TSKS: variants seen among roughly 807,000 people sequenced by gnomAD.
The protein encoded by TSKS is testis specific serine kinase substrate.
Under a neutral mutation model 68.0 loss-of-function variants are expected in TSKS, and 27 were observed. The observed-to-expected ratio is 0.40, with a 90% CI of 0.29 to 0.55. The LOEUF is 0.55. Among genes scored for constraint, TSKS ranks in the 20% least tolerant of loss-of-function variants. The pLI, the probability that TSKS is intolerant of heterozygous loss-of-function variation, is 0.53. For synonymous variants in TSKS, 331 were observed against 340.4 expected, an observed-to-expected ratio of 0.97 and a Z score of 0.30; for missense variants, 806 against 776.0, an observed-to-expected ratio of 1.04 and a Z score of -0.46.
In TSKS at chr19:49,746,653, C is replaced by A. The variant is rs1319903872; in HGVS notation, c.809G>T (p.Trp270Leu). The change falls in exon 6 of 11, where the codon TGG becomes TTG. Residue 270 changes from tryptophan to leucine, a missense_variant. Transcript: ENST00000246801. ...CGTGGCGGCGGGGCCCAGGCTGTTC[C>A]AGGAGAGGCCAGCCTCCGGCTTCTG... ...EKQKPEAGLS[W>L]NSLGPAATSQ... The A allele has an allele frequency of 6.2e-7, 1 of 1,607,066 alleles. No homozygotes were observed. Among genetic ancestry groups the A allele is most frequent in the Non-Finnish European group, 8.5e-7 (1 of 1,179,442 alleles).
At chr19:49,748,544 C>T in intron 2 of TSKS, 75 bp from the exon 3 acceptor site, 2 of 1,419,182 alleles carry the variant, frequency 1.4e-6, no homozygotes, top group Non-Finnish European at 2.0e-6. Flanking sequence ...AATTCCAGAA[C>T]TGGGAGGCTG....
chr19:49,746,073 T>C lies in TSKS; in HGVS notation c.992+397A>G, dbSNP rs534645907. ...TGGCGGGCGCCTGTAGTCCCAGCTA[T>C]TGGGGAGGCTGAAGCAGGAGAATGG... On this transcript the variant is annotated intron_variant, in intron 6 of 10. Coordinates refer to ENST00000246801, the MANE Select transcript of TSKS (RefSeq NM_021733.2). Among the ~76,000 whole-genome samples the C allele has an allele frequency of 2.7e-4, 41 of 152,120 alleles. No homozygotes were observed. The East Asian group carries it at 7.2e-3, about 27-fold the overall frequency.
chr19:49,742,020 G>A lies in TSKS; in HGVS notation c.1362C>T (p.Ser454=), dbSNP rs1568559867. Residue 454 remains serine, a splice_region_variant and synonymous_variant, in exon 9 of 11, where the codon AGC becomes AGT. Coordinates refer to ENST00000246801, the MANE Select transcript of TSKS (RefSeq NM_021733.2). ...SHQGNCARCA[S]QGSQLSTESL... ...ACTCCGTAGACAACTGCGACCCCTG[G>A]CTGGGGGAGGGGCGGTCACCAGATA... 3 of 1,613,812 alleles carry A rather than the reference G, an allele frequency of 1.9e-6. No individual in the cohort carries two copies. The highest frequency in any genetic ancestry group is 2.5e-6 in the Non-Finnish European group (3 of 1,179,992).
intron 1 of TSKS, among the ~76,000 whole-genome samples, chr19:49,762,488 A>T (rs1248554967): frequency 1.4e-5 from 2 of 141,914 alleles, no homozygotes; most frequent in Non-Finnish European, 3.0e-5. Flanking sequence ...CAGTGGCGCG[A>T]TCTCAGCTCA....
chr19:49,752,810 G>T (rs1332768893), intron 2 of TSKS, among the ~76,000 whole-genome samples: 1 of 152,150 alleles, frequency 6.6e-6, no homozygotes, highest in Non-Finnish European at 1.5e-5. Flanking sequence ...GCCTGTGTAG[G>T]GTTGTGTACA....
chr19:49,756,117 T>C (rs909770348), intron 2 of TSKS, among the ~76,000 whole-genome samples: 2 of 152,158 alleles, frequency 1.3e-5, no homozygotes, highest in Non-Finnish European at 2.9e-5. Flanking sequence ...AAAAGGATTA[T>C]ACATGGTGAC....
intron 5 of TSKS, chr19:49,747,146 C>T (rs1287361207): frequency 6.5e-7 from 1 of 1,535,636 alleles, no homozygotes; most frequent in Non-Finnish European, 8.7e-7. Flanking sequence ...GGCCTTCTCA[C>T]CTGAAGTCCA....
chr19:49,748,420 A>C lies in TSKS; in HGVS notation c.449T>G (p.Leu150Trp). 2 of 1,614,174 alleles carry C rather than the reference A, an allele frequency of 1.2e-6. No individual in the cohort carries two copies. The highest frequency in any genetic ancestry group is 1.7e-6 in the Non-Finnish European group (2 of 1,180,020). Residue 150 changes from leucine (L) to tryptophan (W), a missense_variant, in exon 3 of 11, where the codon TTG becomes TGG. Transcript: ENST00000246801. ...GTTAACCCGGTTGGTCTTTTCCTTC[A>C]AGCTGGTGATGGAGTCTTTGGCGCG... ...LVRAKDSITS[L>W]KEKTNRVNQH... is the part of the protein sequence containing the mutation.
In TSKS at chr19:49,762,197, C is replaced by A. The variant is rs1256932815; in HGVS notation, c.206G>T (p.Trp69Leu). 2 of 1,613,922 alleles carry A rather than the reference C, an allele frequency of 1.2e-6. No homozygotes were observed. Among genetic ancestry groups the A allele is most frequent in the African/African-American group, 2.7e-5 (2 of 74,900 alleles). ...EPQMSHQPMH[W>L]CLNLKRSSAC... ...CGAGGACCGTTTGAGGTTCAGGCAC[C>A]AGTGCATGGGCTGATGGGACATCTG... Residue 69 changes from tryptophan (W) to leucine (L), a missense_variant, in exon 2 of 11, where the codon TGG (tryptophan) becomes TTG (leucine). By Grantham distance (61) the Trp-to-Leu change is moderately conservative. Coordinates refer to ENST00000246801, the MANE Select transcript of TSKS (RefSeq NM_021733.2).
In TSKS at chr19:49,748,097, G is replaced by A. The variant is rs752032186; in HGVS notation, c.567C>T (p.Cys189=). ...RQEAEELEGY[C]IQLKENCWKV... ...CCCACTGGCTCACCTTGAGTTGAATGCAGTACCCCTCCAACTCTTCTGCCT... is the reference window on the plus strand; with the variant it reads ...CCCACTGGCTCACCTTGAGTTGAATACAGTACCCCTCCAACTCTTCTGCCT... Residue 189 remains cysteine, a synonymous_variant, in exon 4 of 11, where the codon TGC becomes TGT. Coordinates refer to ENST00000246801, the MANE Select transcript of TSKS (RefSeq NM_021733.2). The A allele has an allele frequency of 1.6e-5, 26 of 1,613,960 alleles. No homozygotes were observed. The South Asian group carries it at 2.7e-4, about 17-fold the overall frequency.
At chr19:49,742,758 A>C (rs1379394561) in intron 8 of TSKS, among the ~76,000 whole-genome samples, 4 of 152,130 alleles carry the variant, frequency 2.6e-5, no homozygotes, top group African/African-American at 9.7e-5. Flanking sequence ...TGGCCTCCCA[A>C]AGTGCTGGGA....
At chr19:49,747,317 A>G in intron 5 of TSKS, 72 bp downstream of exon 5, 2 of 1,612,384 alleles carry the variant, frequency 1.2e-6, no homozygotes, top group Non-Finnish European at 1.7e-6. Context: ...AGTTCCACCT[A>G]AAAGTGTATC....
intron 2 of TSKS, among the ~76,000 whole-genome samples, chr19:49,749,940 T>A (rs1193157437): frequency 1.3e-5 from 2 of 152,132 alleles, no homozygotes; most frequent in South Asian, 4.1e-4. Context: ...ATTTATTTTT[T>A]TTTTTAGCCT....
intron 4 of TSKS, among the ~76,000 whole-genome samples, 178 bp downstream of exon 4, chr19:49,747,907 C>T (rs1194264521): frequency 1.3e-5 from 2 of 152,148 alleles, no homozygotes; most frequent in Middle Eastern, 3.2e-3. Context: ...TGGGGTTTCA[C>T]CATGTTGGCC....
At chr19:49,742,402 T>C (rs1345968157) in intron 8 of TSKS, among the ~76,000 whole-genome samples, 2 of 152,126 alleles carry the variant, frequency 1.3e-5, no homozygotes, top group African/African-American at 4.8e-5. Context: ...TTCACCATGT[T>C]GGCCAGGATG....
intron 6 of TSKS, 106 bp from the exon 7 acceptor site, chr19:49,745,502 A>G: frequency 9.9e-7 from 1 of 1,006,736 alleles, no homozygotes; most frequent in Non-Finnish European, 1.4e-6. Context: ...CCCCACTGAG[A>G]CCATGCCCGT....
rs1377475298 is a variant in TSKS at position 49,746,739 on chromosome 19, G to A, written c.723C>T (p.Ala241=). The part of the protein sequence containing the change: ...LQDETPRRQE[A]ELQEPEEKQE... ...GCTTCTCCTCCGGCTCCTGCAGCTC[G>A]GCCTCCTGCCGTCGCGGCGTCTCAT... The change falls in exon 6 of 11, where the codon GCC becomes GCT. Residue 241 remains alanine (A), a synonymous_variant. Coordinates refer to ENST00000246801, the MANE Select transcript of TSKS (RefSeq NM_021733.2). 6 of 1,601,084 alleles carry A rather than the reference G, an allele frequency of 3.7e-6. No individual in the cohort carries two copies. The highest frequency in any genetic ancestry group is 5.1e-6 in the Non-Finnish European group (6 of 1,178,928).
intron 10 of TSKS, 41 bp downstream of exon 10, chr19:49,740,018 A>G (rs1221391583): frequency 9.3e-6 from 15 of 1,613,100 alleles, no homozygotes; most frequent in Admixed American, 1.7e-5. Flanking sequence ...CCTTTCCCCA[A>G]GATCTCACCC....
chr19:49,746,554 C>T lies in TSKS; in HGVS notation c.908G>A (p.Trp303Ter), dbSNP rs1216510249. The T allele has an allele frequency of 6.2e-7, 1 of 1,613,362 alleles. No individual in the cohort carries two copies. The highest frequency in any genetic ancestry group is 1.3e-5 in the African/African-American group (1 of 74,946). Residue 303 changes from tryptophan (W) to a stop codon, truncating the protein, a stop_gained, in exon 6 of 11, where the codon TGG (tryptophan) becomes TAG (stop). Coordinates refer to ENST00000246801, the MANE Select transcript of TSKS (RefSeq NM_021733.2). LOFTEE classifies it high-confidence loss of function. ...CTCGCCAGCCCGAGGCCCCATTCCC[C>T]AGCCTGCGGGGACCAGGCCGTGTGG... Reference protein sequence around the residue: ...SRPHGLVPAGWGMGPRAGEGP... With the variant: ...SRPHGLVPAG
Sources: gnomAD v4.1 joint callset for allele counts (sites outside exome capture counted in the v4.1 genomes callset) on GRCh38, gnomAD v4.1.1 for gene constraint, MANE v1.5 for transcripts, NCBI Gene and HGNC (gene_info 2026-07-23, HGNC 2026-07-21) for gene names.